Variants in FRMD4A observed in about 807,000 individuals in gnomAD.
The protein encoded by FRMD4A is FERM domain containing 4A.
In FRMD4A, 29 loss-of-function variants were observed where a neutral mutation model predicts 129.1. The ratio of observed to expected loss-of-function variants is 0.22; its 90% CI spans 0.17 to 0.31. The LOEUF (loss-of-function observed/expected upper bound fraction) is 0.31, where lower values mean the gene tolerates loss of function less well. Among genes scored for constraint, FRMD4A ranks in the 10% least tolerant of loss-of-function variants. The pLI, the probability that FRMD4A is intolerant of heterozygous loss-of-function variation, is 1.00. For synonymous variants in FRMD4A, 634 were observed against 571.6 expected (o/e 1.11, Z -1.56); for missense variants, 1,272 against 1,375.8 (o/e 0.92, Z 1.19).
At chr10:13,738,236 TC>T (rs1554874703) in intron 11 of FRMD4A, among the ~76,000 whole-genome samples, 6 of 152,144 alleles carry the variant, frequency 3.9e-5, no homozygotes, top group Admixed American at 1.3e-4. Flanking sequence ...TCTCTCTCTC[TC>T]TTTTTTTTCC....
At chr10:14,328,370 G>GT (rs1491378540) in intron 2 of FRMD4A, among the ~76,000 whole-genome samples, 17 of 21,512 alleles carry the variant, frequency 7.9e-4, no homozygotes, top group African/African-American at 1.8e-3. Context: ...GTGTGTGGGT[G>GT]GGGGGGGGGG....
At chr10:13,790,679 C>T (rs1047878984) in intron 5 of FRMD4A, among the ~76,000 whole-genome samples, 1 of 137,296 alleles carries the variant, frequency 7.3e-6, no homozygotes, top group Admixed American at 7.2e-5. Context: ...GAGCTAGGGG[C>T]GAGAGACCTC....
At chr10:13,805,435 T>C (rs2093342850) in intron 4 of FRMD4A, among the ~76,000 whole-genome samples, 1 of 151,632 alleles carries the variant, frequency 6.6e-6, no homozygotes, top group Admixed American at 6.6e-5. Context: ...GCTTTTTTTT[T>C]CTTAAAAAAA....
At chr10:13,930,761 A>G (rs1332550229) in intron 2 of FRMD4A, among the ~76,000 whole-genome samples, 1 of 152,224 alleles carries the variant, frequency 6.6e-6, no homozygotes, top group Admixed American at 6.5e-5. Context: ...TTTAATTGCT[A>G]TAGAATCCCA....
intron 2 of FRMD4A, among the ~76,000 whole-genome samples, chr10:14,295,797 C>T (rs1428757332): frequency 6.6e-6 from 1 of 152,092 alleles, no homozygotes; most frequent in Non-Finnish European, 1.5e-5. Context: ...GAGAAAAAGC[C>T]TCTGTATATA....
At chr10:13,950,990 C>G (rs2095366949) in intron 2 of FRMD4A, among the ~76,000 whole-genome samples, 1 of 152,144 alleles carries the variant, frequency 6.6e-6, no homozygotes, top group African/African-American at 2.4e-5. Context: ...AAGGACAAGA[C>G]TGAGAATTCC....
At chr10:13,874,057 C>T (rs1278235422) in intron 2 of FRMD4A, among the ~76,000 whole-genome samples, 2 of 150,682 alleles carry the variant, frequency 1.3e-5, no homozygotes, top group South Asian at 2.1e-4. Flanking sequence ...ACCAGCCTGG[C>T]CAACATGGTG....
chr10:13,916,439 C>T (rs1444183862), intron 2 of FRMD4A, among the ~76,000 whole-genome samples: 2 of 152,180 alleles, frequency 1.3e-5, no homozygotes, highest in African/African-American at 4.8e-5. Flanking sequence ...GTCTTTATTG[C>T]CCTTGAGCAA....
At chr10:13,715,002 G>A (rs1395411280) in intron 12 of FRMD4A, among the ~76,000 whole-genome samples, 1 of 151,974 alleles carries the variant, frequency 6.6e-6, no homozygotes, top group Non-Finnish European at 1.5e-5. Flanking sequence ...TCATGCCACT[G>A]CACTCCAGCC....
In FRMD4A at chr10:14,295,950, A is replaced by T. The variant is rs79616230; in HGVS notation, c.45+34108T>A. 8.8e-3 allele frequency among the ~76,000 whole-genome samples: 1,338 copies of T among 152,274 alleles called. 21 individuals carry two copies. Among genetic ancestry groups the T allele is most frequent in the African/African-American group, 0.031 (1,282 of 41,558 alleles). On this transcript the variant is annotated intron_variant, in intron 2 of 24. Transcript: ENST00000357447. ...AAACGATCTTTTTCGAAATGCCATGACATGTTATGACTCTCTTTGCCTAGG... is the reference window on the plus strand; with the variant it reads ...AAACGATCTTTTTCGAAATGCCATGTCATGTTATGACTCTCTTTGCCTAGG...
In FRMD4A at chr10:14,101,726, TAACACAACACAACAC is replaced by T. The variant is rs59561035; in HGVS notation, c.45+228317_45+228331del. On this transcript the variant is annotated intron_variant, in intron 2 of 24. Coordinates refer to ENST00000357447, the MANE Select transcript of FRMD4A (RefSeq NM_018027.5). ...TCTACCTTCAAATATGCCTGGCTTC[TAACACAACACAACAC>T]AACACAACACAACACAACACAACAC... Among the ~76,000 whole-genome samples, 693 of 146,528 alleles carry T rather than the reference TAACACAACACAACAC, an allele frequency of 4.7e-3. 2 individuals are homozygous for T. Among genetic ancestry groups the T allele is most frequent in the Middle Eastern group, 0.014 (4 of 292 alleles).
At chr10:13,955,112 C>CTTTTTTTTT (rs71388139) in intron 2 of FRMD4A, among the ~76,000 whole-genome samples, 46,060 of 101,362 alleles carry the variant, frequency 0.45, 13,679 homozygotes, top group East Asian at 0.85. Flanking sequence ...AATAATTCTG[C>CTTTTTTTTT]TTTTTTTTTT....
rs74121795 is a variant in FRMD4A, at chr10:13,924,520, A to G, written c.46-65608T>C. On this transcript the variant is annotated intron_variant, in intron 2 of 24. Coordinates refer to ENST00000357447, the MANE Select transcript of FRMD4A (RefSeq NM_018027.5). ...TCCCCCAGATAGCATCTCTTGCCAT[A>G]AAGGAAGGACTTCTCTCAGGGAGAA... Among the ~76,000 whole-genome samples the G allele has an allele frequency of 7.2e-3, 1,102 of 152,056 alleles. 12 individuals are homozygous for G. Among genetic ancestry groups the G allele is most frequent in the African/African-American group, 0.025 (1,022 of 41,454 alleles).
chr10:14,048,632 C>T (rs111833889), intron 2 of FRMD4A, among the ~76,000 whole-genome samples: 6,801 of 151,842 alleles, frequency 0.045, 293 homozygotes, highest in African/African-American at 0.12. Flanking sequence ...ATGGTGAAAC[C>T]CTGTCTCTAC....
chr10:13,959,299 C>G (rs2095430790), intron 2 of FRMD4A, among the ~76,000 whole-genome samples: 1 of 151,954 alleles, frequency 6.6e-6, no homozygotes, highest in East Asian at 1.9e-4. Context: ...TGGTGAAACC[C>G]TATCTCTACT....
intron 18 of FRMD4A, among the ~76,000 whole-genome samples, chr10:13,665,872 T>TA (rs1169257446): frequency 6.6e-6 from 1 of 152,248 alleles, no homozygotes; most frequent in Admixed American, 6.5e-5. Context: ...CCAATAGTGA[T>TA]ACCAACAGTT....
At chr10:13,929,089 C>A (rs148481861) in intron 2 of FRMD4A, among the ~76,000 whole-genome samples, 23 of 152,300 alleles carry the variant, frequency 1.5e-4, no homozygotes, top group African/African-American at 5.3e-4. Flanking sequence ...TATTTGTAAG[C>A]GTGTTTGGCT....
intron 2 of FRMD4A, among the ~76,000 whole-genome samples, chr10:14,262,394 C>A (rs1844836538): frequency 6.6e-6 from 1 of 152,128 alleles, no homozygotes; most frequent in Admixed American, 6.5e-5. Context: ...AATTCCAGGG[C>A]TTGGCAAAGG....
chr10:13,974,438 G>A (rs183435809), intron 2 of FRMD4A, among the ~76,000 whole-genome samples: 4 of 152,204 alleles, frequency 2.6e-5, no homozygotes, highest in Admixed American at 1.3e-4. Context: ...ATGGAAGCTC[G>A]GGGTGACAGT....
Sources: gnomAD v4.1 joint callset for allele counts (sites outside exome capture counted in the v4.1 genomes callset) on GRCh38, gnomAD v4.1.1 for gene constraint, MANE v1.5 for transcripts, NCBI Gene and HGNC (gene_info 2026-07-23, HGNC 2026-07-21) for gene names.